The following TRIO variants were observed in gnomAD, a reference collection of about 807,000 sequenced individuals.
TRIO encodes trio Rho guanine nucleotide exchange factor, also known as triple functional domain protein.
A neutral mutation model predicts 351.9 loss-of-function variants in TRIO; 58 were observed. That is an observed-to-expected ratio of 0.16 (90% confidence interval 0.13 to 0.21). TRIO has a LOEUF of 0.21. Among genes scored for constraint, TRIO ranks in the 10% least tolerant of loss-of-function variants. TRIO has a pLI of 1.00. For missense variants in TRIO, 3,201 were observed against 4,027.8 expected (o/e 0.79, Z 5.56); for synonymous variants, 1,758 against 1,595.7 (o/e 1.10, Z -2.42).
In TRIO at chr5:14,213,002, A is replaced by G. The variant is rs114931210; in HGVS notation, c.158-57823A>G. On this transcript the variant is annotated intron_variant, in intron 1 of 56. Transcript: ENST00000344204. ...TAATTTCTTGTTTCTGACCAAGAAG[A>G]GTTCAGTTGCTGTTGAACAACACGG... Among the ~76,000 whole-genome samples the G allele has an allele frequency of 7.9e-3, 1,204 of 152,330 alleles. 20 individuals carry two copies. Among genetic ancestry groups the G allele is most frequent in the African/African-American group, 0.028 (1,148 of 41,568 alleles).
At chr5:14,408,256 G>A (rs751877587) in intron 33 of TRIO, among the ~76,000 whole-genome samples, 9 of 152,334 alleles carry the variant, frequency 5.9e-5, no homozygotes, top group African/African-American at 1.4e-4. Context: ...TTTCAAGGAC[G>A]GGAGTCAGTA....
At chr5:14,365,930 G>T (rs1744557116) in intron 15 of TRIO, among the ~76,000 whole-genome samples, 1 of 152,128 alleles carries the variant, frequency 6.6e-6, no homozygotes, top group African/African-American at 2.4e-5. Context: ...TATCAGAAAA[G>T]AAATATTTTC....
At chr5:14,186,858 A>C (rs1474102126) in intron 1 of TRIO, among the ~76,000 whole-genome samples, 1 of 152,188 alleles carries the variant, frequency 6.6e-6, no homozygotes, top group East Asian at 1.9e-4. Context: ...GATAAAAGGC[A>C]TGAGCCACCA....
chr5:14,452,973 C>T (rs1222510413), intron 34 of TRIO, among the ~76,000 whole-genome samples: 1 of 152,066 alleles, frequency 6.6e-6, no homozygotes, highest in East Asian at 1.9e-4. Context: ...CCTCTCTTGT[C>T]CTGGCAGTCC....
chr5:14,194,769 T>C (rs1284617730), intron 1 of TRIO, among the ~76,000 whole-genome samples: 1 of 152,254 alleles, frequency 6.6e-6, no homozygotes, highest in South Asian at 2.1e-4. Flanking sequence ...CATACACACA[T>C]ATATGCATAC....
At chr5:14,404,977 G>A (rs895544947) in intron 31 of TRIO, among the ~76,000 whole-genome samples, 3 of 151,606 alleles carry the variant, frequency 2.0e-5, no homozygotes, top group African/African-American at 7.3e-5. Flanking sequence ...TAACTGCAGG[G>A]AATTATGCTT....
At chr5:14,406,304 T>C in intron 32 of TRIO, 1 of 558,608 alleles carries the variant, frequency 1.8e-6, no homozygotes, top group African/African-American at 1.9e-5. Context: ...ATCGAGATGT[T>C]GCTGTTTTCT....
intron 34 of TRIO, among the ~76,000 whole-genome samples, chr5:14,446,042 G>A (rs193021684): frequency 3.9e-5 from 6 of 152,316 alleles, no homozygotes; most frequent in Admixed American, 6.5e-5. Context: ...GACAAGATCC[G>A]TGCTGTTAAT....
At chr5:14,338,501 G>A (rs764976628) in intron 11 of TRIO, among the ~76,000 whole-genome samples, 47 of 152,214 alleles carry the variant, frequency 3.1e-4, no homozygotes, top group Non-Finnish European at 4.0e-4. Context: ...GTTGTCATGC[G>A]TGTGATTGTG....
chr5:14,192,817 T>G (rs1447880944), intron 1 of TRIO, among the ~76,000 whole-genome samples: 1 of 152,214 alleles, frequency 6.6e-6, no homozygotes, highest in African/African-American at 2.4e-5. Flanking sequence ...AAATAAAAAA[T>G]TCTTAAATCT....
At chr5:14,504,291 G>A (rs1047074192) in intron 54 of TRIO, 102 bp from the exon 55 acceptor site, 1 of 1,318,542 alleles carries the variant, frequency 7.6e-7, no homozygotes, top group Non-Finnish European at 1.1e-6. Context: ...CCTCTGGACA[G>A]GGCTGGGCCA....
rs1171388235 is a variant in TRIO at position 14,394,049 on chromosome 5, G to C, written c.4230G>C (p.Gln1410His). 6.2e-7 allele frequency: 1 copy of C among 1,612,500 alleles called. No homozygotes were observed. The highest frequency in any genetic ancestry group is 1.1e-5 in the South Asian group (1 of 90,832). ...HAGSYFDEIQ[Q>H]RHGLANSISS... is the part of the protein sequence containing the mutation. ...TGGTTTTAATACAGGAGATACAGCA[G>C]CGACATGGATTAGCCAATTCCATTT... Residue 1410 changes from glutamine (Q) to histidine (H), a missense_variant, in exon 28 of 57, where the codon CAG becomes CAC. Physicochemically the swap from Gln to His is conservative, Grantham distance 24. Around this residue, in one of 19 missense-constraint regions of TRIO, gnomAD observed 115 missense variants for 239.6 expected, o/e 0.48. Transcript: ENST00000344204.
intron 1 of TRIO, among the ~76,000 whole-genome samples, chr5:14,203,671 A>G (rs1488411139): frequency 1.3e-5 from 2 of 152,240 alleles, no homozygotes; most frequent in Non-Finnish European, 2.9e-5. Context: ...GCCCTCAAGC[A>G]TGGGAATGGA....
intron 29 of TRIO, among the ~76,000 whole-genome samples, chr5:14,397,499 A>C (rs928162794): frequency 1.3e-5 from 2 of 152,210 alleles, no homozygotes; most frequent in Non-Finnish European, 2.9e-5. Flanking sequence ...AATCCTTAAA[A>C]GAATGTGTTG....
intron 1 of TRIO, among the ~76,000 whole-genome samples, chr5:14,180,156 G>C (rs1204866204): frequency 7.4e-6 from 1 of 135,790 alleles, no homozygotes; most frequent in Admixed American, 7.5e-5. Flanking sequence ...ATGTGGTAAA[G>C]CCTATGCGTT....
chr5:14,250,993 A>G (rs1794709464), intron 1 of TRIO, among the ~76,000 whole-genome samples: 1 of 152,154 alleles, frequency 6.6e-6, no homozygotes, highest in Admixed American at 6.5e-5. Flanking sequence ...CAGAAGACAG[A>G]GGAGGGGGCG....
intron 29 of TRIO, 102 bp from the exon 30 acceptor site, chr5:14,398,778 A>T: frequency 8.7e-7 from 1 of 1,149,344 alleles, no homozygotes; most frequent in African/African-American, 1.7e-5. Context: ...GGGTTGGCCG[A>T]TGGGCATTTT....
chr5:14,219,162 A>G (rs1339025550), intron 1 of TRIO, among the ~76,000 whole-genome samples: 1 of 152,140 alleles, frequency 6.6e-6, no homozygotes, highest in Non-Finnish European at 1.5e-5. Context: ...TAAGAAACTT[A>G]AGTTTAAGGC....
intron 53 of TRIO, among the ~76,000 whole-genome samples, chr5:14,500,845 C>T (rs1757234970): frequency 7.0e-6 from 1 of 142,260 alleles, no homozygotes; most frequent in Admixed American, 7.4e-5. Flanking sequence ...GTCGAGATTG[C>T]ACCACTGCGC....
Sources: allele counts gnomAD v4.1 joint callset (sites outside exome capture counted in the v4.1 genomes callset), GRCh38; gene constraint gnomAD v4.1.1; regional missense constraint gnomAD v4.1.1; transcripts MANE v1.5; gene names NCBI Gene and HGNC (gene_info 2026-07-23, HGNC 2026-07-21).